Variants in TENM4 observed in about 807,000 individuals in gnomAD.
TENM4 encodes teneurin transmembrane protein 4, also known as teneurin-4.
Under a neutral mutation model 243.3 loss-of-function variants are expected in TENM4, and 82 were observed. That is an observed-to-expected ratio of 0.34 (90% CI 0.28 to 0.40). The LOEUF is 0.40. TENM4 is among the 10% of genes least tolerant of loss of function. The probability of loss-of-function intolerance (pLI) is 1.00; values close to 1 mark genes in which losing one functional copy is unlikely to be tolerated. For missense variants in TENM4, 3,138 were observed against 3,673.3 expected, an observed-to-expected ratio of 0.85 and a Z score of 3.77; for synonymous variants, 1,412 against 1,456.3, an observed-to-expected ratio of 0.97 and a Z score of 0.69.
chr11:79,433,634 T>A (rs1349112317), intron 1 of TENM4, among the ~76,000 whole-genome samples: 1 of 152,162 alleles, frequency 6.6e-6, no homozygotes, highest in African/African-American at 2.4e-5. Context: ...CCTTTTGCAC[T>A]ATTGGGTGAG....
intron 19 of TENM4, among the ~76,000 whole-genome samples, chr11:78,754,265 C>G (rs558629726): frequency 6.6e-6 from 1 of 152,224 alleles, no homozygotes; most frequent in African/African-American, 2.4e-5. Flanking sequence ...GTCTTCCCTA[C>G]TGCTGAGGGG....
intron 33 of TENM4, among the ~76,000 whole-genome samples, 178 bp downstream of exon 33, chr11:78,661,271 G>A (rs767814762): frequency 3.3e-5 from 5 of 152,152 alleles, no homozygotes; most frequent in South Asian, 2.1e-4. Flanking sequence ...TCATGGCTGC[G>A]TCCCTAGCAG....
chr11:79,370,144 G>A (rs747890307), intron 1 of TENM4, among the ~76,000 whole-genome samples: 1 of 152,222 alleles, frequency 6.6e-6, no homozygotes, highest in Non-Finnish European at 1.5e-5. Context: ...AGGAAGCAAA[G>A]CCCAGCCAAG....
At position 78,714,171 on chromosome 11, in the gene TENM4, G is replaced by C. The variant is rs555762428; in HGVS notation, c.3822-1457C>G. On this transcript the variant is annotated intron_variant, in intron 25 of 33. Coordinates refer to ENST00000278550, the MANE Select transcript of TENM4 (RefSeq NM_001098816.3). ...GAGAATTTGAAAAGTCTAGAAAGAA[G>C]CTATTTTGCATTTATCAGGTATGTA... 2.0e-5 allele frequency among the ~76,000 whole-genome samples: 3 copies of C among 152,304 alleles called. No individual in the cohort carries two copies. The South Asian group carries it at 6.2e-4, about 32-fold the overall frequency.
chr11:78,950,114 A>G (rs891774244), intron 6 of TENM4, among the ~76,000 whole-genome samples: 6 of 152,054 alleles, frequency 3.9e-5, no homozygotes, highest in African/African-American at 1.2e-4. Context: ...AAGCCTGCCC[A>G]TTGTCCAGGC....
At chr11:79,419,738 G>A (rs1315255629) in intron 1 of TENM4, among the ~76,000 whole-genome samples, 1 of 152,120 alleles carries the variant, frequency 6.6e-6, no homozygotes. Flanking sequence ...ACACAGTAGG[G>A]GTGCAAAGCA....
intron 7 of TENM4, among the ~76,000 whole-genome samples, chr11:78,901,282 A>G (rs1389300671): frequency 6.6e-6 from 1 of 152,194 alleles, no homozygotes; most frequent in African/African-American, 2.4e-5. Context: ...GGTGACAAAT[A>G]AAAATGATTT....
At chr11:78,689,469 A>C (rs1488360137) in intron 28 of TENM4, among the ~76,000 whole-genome samples, 1 of 137,238 alleles carries the variant, frequency 7.3e-6, no homozygotes, top group African/African-American at 2.8e-5. Context: ...AGGTCTCCCT[A>C]CTGGCTTTTT....
chr11:79,028,403 G>A (rs1414610823), intron 6 of TENM4, among the ~76,000 whole-genome samples: 1 of 152,222 alleles, frequency 6.6e-6, no homozygotes, highest in African/African-American at 2.4e-5. Flanking sequence ...CCCTGTAAGG[G>A]AGGGAGAAAA....
At chr11:78,721,969 G>A (rs1859665077) in intron 24 of TENM4, among the ~76,000 whole-genome samples, 2 of 152,078 alleles carry the variant, frequency 1.3e-5, no homozygotes, top group Non-Finnish European at 1.5e-5. Context: ...GGTCCTTCCC[G>A]GAGCTCTAAG....
chr11:79,344,263 C>T (rs898891903), intron 1 of TENM4, among the ~76,000 whole-genome samples: 1 of 152,166 alleles, frequency 6.6e-6, no homozygotes, highest in Non-Finnish European at 1.5e-5. Context: ...ACACAGGTGG[C>T]AGAGGGGGTG....
intron 27 of TENM4, among the ~76,000 whole-genome samples, chr11:78,703,127 G>A (rs533724898): frequency 2.0e-5 from 3 of 152,276 alleles, no homozygotes; most frequent in South Asian, 4.1e-4. Context: ...CTTGGTGGGT[G>A]AAATCAGATC....
At chr11:79,375,443 C>A (rs77898373) in intron 1 of TENM4, among the ~76,000 whole-genome samples, 26,024 of 152,138 alleles carry the variant, frequency 0.17, 2,619 homozygotes, top group African/African-American at 0.28. Context: ...AGCTCTTTAT[C>A]CTTTTTCCAT....
At chr11:79,354,451 A>C (rs1029208789) in intron 1 of TENM4, among the ~76,000 whole-genome samples, 1 of 152,220 alleles carries the variant, frequency 6.6e-6, no homozygotes, top group Non-Finnish European at 1.5e-5. Context: ...AATGGATGTC[A>C]AGGCTCAAAG....
At chr11:78,967,792 C>T (rs193166774) in intron 6 of TENM4, among the ~76,000 whole-genome samples, 8 of 152,336 alleles carry the variant, frequency 5.3e-5, no homozygotes, top group Non-Finnish European at 7.3e-5. Context: ...ACTCCTCACA[C>T]CCGACTCCAA....
chr11:78,825,352 A>T (rs1857827211), intron 12 of TENM4, among the ~76,000 whole-genome samples: 2 of 152,256 alleles, frequency 1.3e-5, no homozygotes, highest in African/African-American at 4.8e-5. Flanking sequence ...GATACTCAGG[A>T]AATATTAGTT....
intron 17 of TENM4, among the ~76,000 whole-genome samples, 184 bp from the exon 18 acceptor site, chr11:78,771,322 C>T (rs1206960270): frequency 6.6e-6 from 1 of 152,188 alleles, no homozygotes; most frequent in Non-Finnish European, 1.5e-5. Flanking sequence ...AACTGAGGCT[C>T]AGAGAGGTGA....
chr11:79,143,698 A>G (rs190764461), intron 4 of TENM4, among the ~76,000 whole-genome samples: 1 of 151,710 alleles, frequency 6.6e-6, no homozygotes, highest in East Asian at 1.9e-4. Context: ...AATAAAATAA[A>G]AAATAAAAAT....
chr11:78,959,402 A>G (rs929592638), intron 6 of TENM4, among the ~76,000 whole-genome samples: 15 of 152,204 alleles, frequency 9.9e-5, no homozygotes, highest in South Asian at 4.1e-4. Flanking sequence ...GGCCTGCTAC[A>G]TCTACGTACC....
Sources: gnomAD v4.1 joint callset for allele counts (sites outside exome capture counted in the v4.1 genomes callset) on GRCh38, gnomAD v4.1.1 for gene constraint, MANE v1.5 for transcripts, NCBI Gene and HGNC (gene_info 2026-07-23, HGNC 2026-07-21) for gene names.